The following TOP3A variants were observed in gnomAD, a reference collection of about 807,000 sequenced individuals.
TOP3A encodes the protein DNA topoisomerase 3-alpha.
Under a neutral mutation model 111.3 loss-of-function variants are expected in TOP3A, and 64 were observed. The ratio of observed to expected loss-of-function variants is 0.57; its 90% CI spans 0.47 to 0.71. TOP3A has a LOEUF of 0.71. Among genes scored for constraint, TOP3A ranks in the 30% least tolerant of loss-of-function variants. TOP3A has a pLI of 0.00. For missense variants in TOP3A, 1,104 were observed against 1,285.0 expected (o/e 0.86, Z 2.15); for synonymous variants, 484 against 485.1 (o/e 1.00, Z 0.03).
chr17:18,308,480 C>T, intron 2 of TOP3A, 56 bp from the exon 3 acceptor site: 1 of 1,230,206 alleles, frequency 8.1e-7, no homozygotes, highest in Non-Finnish European at 1.2e-6. Context: ...ATTATTCTGC[C>T]AAATCATTAA....
chr17:18,280,365 G>T (rs1416600685), intron 17 of TOP3A, 171 bp downstream of exon 17: 1 of 658,794 alleles, frequency 1.5e-6, no homozygotes, highest in Non-Finnish European at 2.5e-6. Context: ...TGACAGCATG[G>T]AACACAACAG....
intron 13 of TOP3A, among the ~76,000 whole-genome samples, chr17:18,286,920 A>T (rs1479239159): frequency 6.6e-6 from 1 of 152,086 alleles, no homozygotes; most frequent in African/African-American, 2.4e-5. Context: ...AGTAGCTGGG[A>T]TTACAGGCGC....
At position 18,309,858 on chromosome 17, in the gene TOP3A, T is replaced by C. The variant is rs916621772; in HGVS notation, c.181-917A>G. Among the ~76,000 whole-genome samples, 3 of 150,416 alleles carry C rather than the reference T, an allele frequency of 2.0e-5. 1 individual carries two copies. Among genetic ancestry groups the C allele is most frequent in the Admixed American group, 2.0e-4 (3 of 15,084 alleles). ...CCGAGTAGCTGGGACTACAGGCACC[T>C]GCCACCACGCCCGGCTAATTTTTTT... On this transcript the variant is annotated intron_variant, in intron 1 of 18. Transcript: ENST00000321105.
At chr17:18,285,097 T>C in intron 15 of TOP3A, 45 bp downstream of exon 15, 4 of 1,600,994 alleles carry the variant, frequency 2.5e-6, no homozygotes, top group Non-Finnish European at 2.6e-6. Context: ...AAGACCAGCC[T>C]GGGCAACATA....
intron 15 of TOP3A, among the ~76,000 whole-genome samples, chr17:18,284,837 G>A (rs1341685778): frequency 6.6e-6 from 1 of 152,116 alleles, no homozygotes; most frequent in Non-Finnish European, 1.5e-5. Flanking sequence ...CAATAGTTCA[G>A]AATAACTGAA....
intron 18 of TOP3A, among the ~76,000 whole-genome samples, chr17:18,276,576 A>T (rs1230879047): frequency 6.6e-6 from 1 of 152,236 alleles, no homozygotes; most frequent in African/African-American, 2.4e-5. Flanking sequence ...CTATGAATGT[A>T]GGCAGGGACC....
chr17:18,280,947 T>C lies in TOP3A; in HGVS notation c.2022-289A>G, dbSNP rs73980868. Among the ~76,000 whole-genome samples, 644 of 152,374 alleles carry C rather than the reference T, an allele frequency of 4.2e-3. 5 individuals carry two copies. The highest frequency in any genetic ancestry group is 0.015 in the African/African-American group (616 of 41,588). ...TGCTGTGCACTCACACATTCTTGCC[T>C]TTCTGCCTCGTGCCAAGTCTGGGCA... On this transcript the variant is annotated intron_variant, in intron 16 of 18. Transcript: ENST00000321105.
Position 18,314,759 on chromosome 17 carries a change from CG to C in TOP3A, c.19del (p.Arg7AlafsTer52). 1 of 1,556,074 alleles carries C rather than the reference CG, an allele frequency of 6.4e-7. No homozygotes were observed. The highest frequency in any genetic ancestry group is 8.7e-7 in the Non-Finnish European group (1 of 1,150,332). On this transcript the variant is annotated frameshift_variant, in exon 1 of 19. Transcript: ENST00000321105. LOFTEE classifies it high-confidence loss of function. MIFPVA[R>X]YALRWLRRPE... is the part of the protein sequence containing the mutation. ...CCGTCGCAGCCACCGGAGCGCGTAG[CG>C]GGCGACAGGAAAGATCATCCTCAGA...
rs868142043 is a variant in TOP3A at position 18,277,911 on chromosome 17, T to C, written c.2591A>G (p.Tyr864Cys). Residue 864 changes from tyrosine (Y) to cysteine (C), a missense_variant, in exon 18 of 19, where the codon TAT becomes TGT. By Grantham distance (194) the Tyr-to-Cys change is radical (BLOSUM62 -2). Transcript: ENST00000321105. Reference sequence around the variant, plus strand: ...TCCCAGGGAGGCGCCCAGGGGTCTATATGCCAAGGCAGGAGGCCCTCCTGC... The same window carrying C: ...TCCCAGGGAGGCGCCCAGGGGTCTACATGCCAAGGCAGGAGGCCCTCCTGC... ...PGAGGPPALA[Y>C]RPLGASLGCP... 1.9e-6 allele frequency: 3 copies of C among 1,613,926 alleles called. No individual in the cohort carries two copies. In the African/African-American group the frequency reaches 4.0e-5, roughly 22 times the overall value.
chr17:18,287,732 C>T (rs1980195956), intron 13 of TOP3A, among the ~76,000 whole-genome samples: 1 of 152,034 alleles, frequency 6.6e-6, no homozygotes, highest in African/African-American at 2.4e-5. Context: ...TGGTGGCTAA[C>T]ACCTGTAATC....
At chr17:18,305,481 C>G (rs1981503989) in intron 4 of TOP3A, among the ~76,000 whole-genome samples, 1 of 148,866 alleles carries the variant, frequency 6.7e-6, no homozygotes. Context: ...CTCTAACACA[C>G]ACACACGCGC....
At chr17:18,275,877 G>A (rs927769268) in intron 18 of TOP3A, among the ~76,000 whole-genome samples, 18 of 150,668 alleles carry the variant, frequency 1.2e-4, no homozygotes, top group Non-Finnish European at 2.2e-4. Context: ...GGATGGTCTC[G>A]ATCTCCTGAC....
At chr17:18,294,362 A>G (rs3764404) in intron 10 of TOP3A, among the ~76,000 whole-genome samples, 109,117 of 151,442 alleles carry the variant, frequency 0.72, 39,981 homozygotes, top group African/African-American at 0.86. Flanking sequence ...ATGGAGTCTC[A>G]CTCACTCACC....
chr17:18,280,521 A>G lies in TOP3A; in HGVS notation c.2144+15T>C. On this transcript the variant is annotated intron_variant, in intron 17 of 18. Coordinates refer to ENST00000321105, the MANE Select transcript of TOP3A (RefSeq NM_004618.5). Reference sequence around the variant, plus strand: ...ACACTCCAGAGGAGGCACCTGACTCAGGTGCCCAGCTCACCTGTACACAGG... The same window carrying G: ...ACACTCCAGAGGAGGCACCTGACTCGGGTGCCCAGCTCACCTGTACACAGG... The G allele has an allele frequency of 6.2e-7, 1 of 1,611,858 alleles. No homozygotes were observed. Among genetic ancestry groups the G allele is most frequent in the Non-Finnish European group, 8.5e-7 (1 of 1,178,758 alleles).
intron 2 of TOP3A, 127 bp from the exon 3 acceptor site, chr17:18,308,551 C>A: frequency 1.6e-6 from 1 of 641,846 alleles, no homozygotes; most frequent in Non-Finnish European, 2.6e-6. Flanking sequence ...AAGAAATAAA[C>A]ATAAATATAA....
intron 8 of TOP3A, among the ~76,000 whole-genome samples, chr17:18,300,875 A>G (rs1981186199): frequency 6.6e-6 from 1 of 152,210 alleles, no homozygotes; most frequent in African/African-American, 2.4e-5. Flanking sequence ...CATGGTCTGC[A>G]GAAGGGGCAG....
At chr17:18,277,244 G>A (rs1356552256) in intron 18 of TOP3A, among the ~76,000 whole-genome samples, 2 of 149,894 alleles carry the variant, frequency 1.3e-5, no homozygotes, top group Middle Eastern at 3.3e-3. Context: ...CAAGGGTCAC[G>A]ACAGCTGCAA....
At chr17:18,276,773 C>G (rs1042834241) in intron 18 of TOP3A, among the ~76,000 whole-genome samples, 1 of 152,218 alleles carries the variant, frequency 6.6e-6, no homozygotes, top group Non-Finnish European at 1.5e-5. Context: ...GTACACCATT[C>G]AACTTGATGC....
intron 4 of TOP3A, 191 bp downstream of exon 4, chr17:18,306,700 A>AC: frequency 1.8e-6 from 1 of 543,404 alleles, no homozygotes; most frequent in Non-Finnish European, 3.3e-6. Flanking sequence ...ACCATTCATA[A>AC]AAAAAGTTTA....
Sources: allele counts gnomAD v4.1 joint callset (sites outside exome capture counted in the v4.1 genomes callset), GRCh38; gene constraint gnomAD v4.1.1; transcripts MANE v1.5; gene names NCBI Gene and HGNC (gene_info 2026-07-23, HGNC 2026-07-21).